Variants in RICTOR observed in about 807,000 individuals in gnomAD.
The protein encoded by RICTOR is rapamycin-insensitive companion of mTOR.
RICTOR carries 49 observed loss-of-function variants against 214.9 expected under a neutral mutation model. The observed-to-expected ratio is 0.23, with a 90% CI of 0.18 to 0.29. The LOEUF is 0.29. RICTOR is among the 10% of genes least tolerant of loss of function. The pLI is 1.00. For synonymous variants in RICTOR, 717 were observed against 711.3 expected (o/e 1.01, Z -0.13); for missense variants, 1,625 against 2,047.0 (o/e 0.79, Z 3.98).
chr5:38,966,850 G>A (rs1398717837), intron 14 of RICTOR, 129 bp from the exon 15 acceptor site: 4 of 596,762 alleles, frequency 6.7e-6, no homozygotes, highest in Non-Finnish European at 8.8e-6. Flanking sequence ...GCCCAGGCTG[G>A]AATGCAACGG....
At chr5:39,059,821 C>A (rs534751427) in intron 2 of RICTOR, among the ~76,000 whole-genome samples, 1 of 152,094 alleles carries the variant, frequency 6.6e-6, no homozygotes, top group Admixed American at 6.5e-5. Flanking sequence ...ATATCTATTT[C>A]TTTACATCTA....
At chr5:38,946,117 TTA>T (rs1314484217) in intron 33 of RICTOR, among the ~76,000 whole-genome samples, 1 of 152,216 alleles carries the variant, frequency 6.6e-6, no homozygotes, top group Non-Finnish European at 1.5e-5. Flanking sequence ...ACCGTGTATT[TTA>T]TAAGTACATT....
intron 6 of RICTOR, 87 bp from the exon 7 acceptor site, chr5:38,991,162 G>T: frequency 2.7e-6 from 2 of 741,310 alleles, no homozygotes; most frequent in South Asian, 5.1e-5. Context: ...GTTAATAACA[G>T]AATAAGATCC....
chr5:39,014,286 CATTTT>C (rs1328414728), intron 3 of RICTOR, among the ~76,000 whole-genome samples: 1 of 152,072 alleles, frequency 6.6e-6, no homozygotes, highest in Non-Finnish European at 1.5e-5. Context: ...GTAAACACTT[CATTTT>C]ATTTTGCTCA....
Position 38,947,452 on chromosome 5 carries a change from A to G in RICTOR, c.4137-11T>C. On this transcript the variant is annotated splice_polypyrimidine_tract_variant and intron_variant, in intron 31 of 37. Coordinates refer to ENST00000357387, the MANE Select transcript of RICTOR (RefSeq NM_152756.5). Reference sequence around the variant, plus strand: ...AAGGCTTTCATGAACCTATAAAACCATAAAGAAACCACTTGCATTAGTTTC... The same window carrying G: ...AAGGCTTTCATGAACCTATAAAACCGTAAAGAAACCACTTGCATTAGTTTC... The G allele has an allele frequency of 6.3e-7, 1 of 1,579,430 alleles. No homozygotes were observed. Among genetic ancestry groups the G allele is most frequent in the African/African-American group, 1.4e-5 (1 of 73,762 alleles).
At chr5:38,944,289 G>A (rs927819277) in intron 36 of RICTOR, 157 bp downstream of exon 36, 3 of 741,264 alleles carry the variant, frequency 4.0e-6, no homozygotes, top group African/African-American at 1.7e-5. Context: ...TGTTTTGGCT[G>A]AAGTATTAAA....
chr5:39,037,560 T>G (rs1282268925), intron 2 of RICTOR, among the ~76,000 whole-genome samples: 1 of 151,952 alleles, frequency 6.6e-6, no homozygotes, highest in African/African-American at 2.4e-5. Context: ...ACAAAATTGA[T>G]AGAACGCTAG....
intron 10 of RICTOR, 56 bp downstream of exon 10, chr5:38,975,481 A>G (rs1751130322): frequency 8.3e-7 from 1 of 1,200,504 alleles, no homozygotes; most frequent in African/African-American, 1.5e-5. Context: ...TTAACATTTG[A>G]AAAAGCAGTC....
intron 2 of RICTOR, among the ~76,000 whole-genome samples, chr5:39,037,560 T>C (rs1282268925): frequency 1.3e-5 from 2 of 151,952 alleles, no homozygotes; most frequent in African/African-American, 2.4e-5. Flanking sequence ...ACAAAATTGA[T>C]AGAACGCTAG....
chr5:39,068,352 G>C lies in RICTOR; in HGVS notation c.97+5759C>G, dbSNP rs117589486. On this transcript the variant is annotated intron_variant, in intron 2 of 37. Coordinates refer to ENST00000357387, the MANE Select transcript of RICTOR (RefSeq NM_152756.5). ...AGGTGGAATGGGGGTTGGTGCTTTA[G>C]ACTGGCAAACTCTCCCCAATCCTCT... Among the ~76,000 whole-genome samples the C allele has an allele frequency of 2.8e-4, 43 of 152,326 alleles. No individual in the cohort carries two copies. The East Asian group carries it at 8.3e-3, about 29-fold the overall frequency.
At chr5:39,010,035 T>C (rs990229979) in intron 3 of RICTOR, among the ~76,000 whole-genome samples, 1 of 152,206 alleles carries the variant, frequency 6.6e-6, no homozygotes, top group African/African-American at 2.4e-5. Context: ...CCTTGAATTC[T>C]AATAATCCCC....
chr5:38,985,953 T>G (rs1185456693), intron 7 of RICTOR, among the ~76,000 whole-genome samples: 1 of 152,184 alleles, frequency 6.6e-6, no homozygotes, highest in Non-Finnish European at 1.5e-5. Flanking sequence ...GCCCCCGGCC[T>G]CCCAAAGTGC....
chr5:39,054,666 G>C (rs1442418761), intron 2 of RICTOR, among the ~76,000 whole-genome samples: 2 of 152,286 alleles, frequency 1.3e-5, no homozygotes, highest in Admixed American at 1.3e-4. Context: ...CATTTTTTGA[G>C]TAACATGCAA....
chr5:38,981,673 T>C (rs1376465662), intron 8 of RICTOR, 194 bp downstream of exon 8: 2 of 432,386 alleles, frequency 4.6e-6, no homozygotes, highest in African/African-American at 4.1e-5. Flanking sequence ...ATTGATGAAA[T>C]ATTCTTAAGA....
intron 11 of RICTOR, chr5:38,970,744 T>C (rs1369821176): frequency 6.6e-6 from 1 of 152,208 alleles, no homozygotes; most frequent in Non-Finnish European, 1.5e-5. Context: ...TCGATTTAAC[T>C]GTATAATACA....
intron 2 of RICTOR, among the ~76,000 whole-genome samples, chr5:39,025,314 C>A (rs950114628): frequency 6.6e-6 from 1 of 152,180 alleles, no homozygotes; most frequent in African/African-American, 2.4e-5. Flanking sequence ...CTTGAAATAA[C>A]AGGTTAAAGT....
At chr5:39,026,760 C>T (rs925221835) in intron 2 of RICTOR, among the ~76,000 whole-genome samples, 46 of 151,880 alleles carry the variant, frequency 3.0e-4, no homozygotes, top group African/African-American at 1.0e-3. Context: ...GTAATCCTAG[C>T]ACTTTGGGAG....
At chr5:39,013,331 T>C (rs1317534482) in intron 3 of RICTOR, among the ~76,000 whole-genome samples, 4 of 152,168 alleles carry the variant, frequency 2.6e-5, no homozygotes, top group African/African-American at 9.6e-5. Context: ...ATGTCACTGG[T>C]TTGACTATTA....
chr5:39,009,714 C>A (rs1165047379), intron 3 of RICTOR, among the ~76,000 whole-genome samples: 1 of 152,002 alleles, frequency 6.6e-6, no homozygotes, highest in Non-Finnish European at 1.5e-5. Context: ...TTAGAATTAT[C>A]CCGAGCAGTG....
Sources: allele counts gnomAD v4.1 joint callset (sites outside exome capture counted in the v4.1 genomes callset), GRCh38; gene constraint gnomAD v4.1.1; transcripts MANE v1.5; gene names NCBI Gene and HGNC (gene_info 2026-07-23, HGNC 2026-07-21).